The following FAM86B2 variants were observed in gnomAD, a reference collection of about 807,000 sequenced individuals.
FAM86B2 encodes the protein putative protein N-methyltransferase FAM86B2.
In FAM86B2, 1 loss-of-function variant was observed where a neutral mutation model predicts 26.5. That is an observed-to-expected ratio of 0.04 (90% confidence interval 0.01 to 0.18). The LOEUF (loss-of-function observed/expected upper bound fraction) is 0.18, where lower values mean the gene tolerates loss of function less well. Ranked by LOEUF, FAM86B2 falls within the 10% of genes least tolerant of loss-of-function variation. FAM86B2 has a pLI of 1.00. For missense variants in FAM86B2, 43 were observed against 303.5 expected (o/e 0.14, Z 6.38); for synonymous variants, 11 against 127.8 (o/e 0.09, Z 6.17).
chr8:12,432,907 G>A (rs1207274675), intron 2 of FAM86B2, among the ~76,000 whole-genome samples: 1 of 150,424 alleles, frequency 6.6e-6, no homozygotes, highest in Admixed American at 6.6e-5. Flanking sequence ...TGCCCAGGCT[G>A]GAGTGCAGTG....
At chr8:12,435,900 GCTGA>G (rs1170825440) in intron 1 of FAM86B2, among the ~76,000 whole-genome samples, 1 of 147,820 alleles carries the variant, frequency 6.8e-6, no homozygotes, top group Non-Finnish European at 1.5e-5. Context: ...GCCTGAGGGC[GCTGA>G]CTTTTTAGAA....
chr8:12,435,422 T>C (rs1798587890), intron 1 of FAM86B2, among the ~76,000 whole-genome samples: 1 of 113,468 alleles, frequency 8.8e-6, no homozygotes, highest in East Asian at 2.3e-4. Context: ...ATAGTCAATA[T>C]TGAATGGAGA....
chr8:12,433,975 C>T (rs1286942520), intron 2 of FAM86B2, 77 bp downstream of exon 2: 1 of 1,595,710 alleles, frequency 6.3e-7, no homozygotes, highest in Non-Finnish European at 8.6e-7. Context: ...ACAAGCACAC[C>T]TGTGCTGCTT....
At chr8:12,430,173 GTT>G (rs1813290165) in intron 4 of FAM86B2, among the ~76,000 whole-genome samples, 175 bp downstream of exon 4, 1 of 111,766 alleles carries the variant, frequency 8.9e-6, no homozygotes, top group Admixed American at 9.8e-5. Context: ...ACATGCTGTT[GTT>G]GTTGAAGTGC....
chr8:12,430,241 A>ATG (rs1813301690), intron 4 of FAM86B2, 109 bp downstream of exon 4: 2 of 1,346,474 alleles, frequency 1.5e-6, no homozygotes, highest in Non-Finnish European at 2.0e-6. Context: ...CTCATGTCTA[A>ATG]GACTGCAGAA....
Position 12,424,596 on chromosome 8 carries a change from G to A in FAM86B2, c.*1293C>T, listed in dbSNP as rs1225104815. 8.8e-4 allele frequency among the ~76,000 whole-genome samples: 118 copies of A among 133,454 alleles called. No individual in the cohort carries two copies. Among genetic ancestry groups the A allele is most frequent in the African/African-American group, 3.0e-3 (115 of 38,660 alleles). The allele number at this position is 133,454 out of a possible 152,430, so 87.6% of individuals were successfully genotyped here. A position where few individuals can be genotyped will look rare whatever the true frequency, so the allele number is the denominator to read the frequency against. On this transcript the variant is annotated 3_prime_UTR_variant, in exon 8 of 8. Transcript: ENST00000262365. ...GTGTTGGCCAGAGGCCGAGAGGAGG[G>A]TGCTCACAGGGGAACGTACAGCATG...
intron 6 of FAM86B2, among the ~76,000 whole-genome samples, chr8:12,428,400 G>A (rs1238231385): frequency 2.0e-5 from 3 of 152,044 alleles, no homozygotes; most frequent in Non-Finnish European, 2.9e-5. Flanking sequence ...AGAGCCATGT[G>A]GTGACGACTG....
chr8:12,436,199 CT>C, intron 1 of FAM86B2, 48 bp downstream of exon 1: 2 of 1,067,614 alleles, frequency 1.9e-6, no homozygotes, highest in Non-Finnish European at 1.3e-6. Flanking sequence ...CCGTCTGCCC[CT>C]GGACTCCCGC....
chr8:12,428,378 T>C (rs1284178729), intron 6 of FAM86B2, among the ~76,000 whole-genome samples: 2 of 151,936 alleles, frequency 1.3e-5, no homozygotes, highest in Non-Finnish European at 2.9e-5. Flanking sequence ...ACACAGGGCA[T>C]GGCTCTGGGA....
intron 3 of FAM86B2, among the ~76,000 whole-genome samples, chr8:12,431,690 CA>C (rs1412769504): frequency 1.9e-3 from 14 of 7,542 alleles, no homozygotes; most frequent in Non-Finnish European, 2.9e-3. Flanking sequence ...CTAAAACTTC[CA>C]ACAGGGGTCC....
intron 7 of FAM86B2, among the ~76,000 whole-genome samples, 191 bp from the exon 8 acceptor site, chr8:12,426,180 T>C (rs1346831396): frequency 1.4e-5 from 2 of 147,982 alleles, no homozygotes; most frequent in Non-Finnish European, 3.0e-5. Context: ...TGGTTTTGCA[T>C]AGAAATGGCT....
intron 2 of FAM86B2, among the ~76,000 whole-genome samples, chr8:12,433,207 A>G (rs1585376260): frequency 1.2e-5 from 1 of 86,426 alleles, no homozygotes; most frequent in African/African-American, 4.6e-5. Flanking sequence ...ATGCTTCACC[A>G]CCTATGAGAG....
chr8:12,436,066 G>T, intron 1 of FAM86B2, 182 bp downstream of exon 1: 1 of 644,120 alleles, frequency 1.6e-6, no homozygotes, highest in Non-Finnish European at 2.7e-6. Flanking sequence ...TCGCGGGGCA[G>T]AAGGGGTGCG....
chr8:12,426,103 C>A lies in FAM86B2; in HGVS notation c.893-114G>T. 3 of 321,014 alleles carry A rather than the reference C, an allele frequency of 9.3e-6. 1 individual carries two copies. In the South Asian group the frequency reaches 1.4e-4, roughly 15 times the overall value. 19.9% of individuals were successfully genotyped at this position (321,014 alleles called of 1,614,324 possible). A position where few individuals can be genotyped will look rare whatever the true frequency, so the allele number is the denominator to read the frequency against. On this transcript the variant is annotated intron_variant, in intron 7 of 7. Transcript: ENST00000262365. ...GGTGGGGGGTGTCTAAGTCAGTTTACTTGGTTCACAGGTTCGGAGGCCCAC... is the reference window on the plus strand; with the variant it reads ...GGTGGGGGGTGTCTAAGTCAGTTTAATTGGTTCACAGGTTCGGAGGCCCAC...
intron 7 of FAM86B2, among the ~76,000 whole-genome samples, chr8:12,426,369 T>G (rs1481637300): frequency 6.9e-6 from 1 of 145,724 alleles, no homozygotes; most frequent in South Asian, 2.2e-4. Flanking sequence ...AAAAAAAAGG[T>G]TGGTTGAGGC....
intron 7 of FAM86B2, among the ~76,000 whole-genome samples, chr8:12,426,428 T>G (rs954614519): frequency 7.2e-6 from 1 of 138,858 alleles, no homozygotes; most frequent in Non-Finnish European, 1.6e-5. Context: ...TAAAAGATAT[T>G]GCAGGTTTTT....
intron 6 of FAM86B2, among the ~76,000 whole-genome samples, 164 bp downstream of exon 6, chr8:12,428,469 G>A (rs1457293837): frequency 5.3e-5 from 8 of 152,098 alleles, no homozygotes; most frequent in Middle Eastern, 6.8e-3. Flanking sequence ...ACCTTAAGAG[G>A]CACCCCTGTC....
intron 1 of FAM86B2, among the ~76,000 whole-genome samples, chr8:12,435,989 G>T (rs1312481565): frequency 1.3e-5 from 2 of 151,730 alleles, no homozygotes; most frequent in African/African-American, 4.9e-5. Flanking sequence ...ATCGTGAACC[G>T]TACCCCACAC....
intron 2 of FAM86B2, among the ~76,000 whole-genome samples, chr8:12,433,025 ATTT>A (rs1353617877): frequency 2.4e-5 from 3 of 125,094 alleles, no homozygotes; most frequent in African/African-American, 6.2e-5. Flanking sequence ...CACCCAGCTA[ATTT>A]TTTTTTATTT....
Sources: gnomAD v4.1 joint callset for allele counts (sites outside exome capture counted in the v4.1 genomes callset) on GRCh38, gnomAD v4.1.1 for gene constraint, MANE v1.5 for transcripts, NCBI Gene and HGNC (gene_info 2026-07-23, HGNC 2026-07-21) for gene names.